The following XYLT1 variants were observed in gnomAD, a reference collection of about 807,000 sequenced individuals.
XYLT1 encodes beta-D-xylosyltransferase 1.
In XYLT1, 36 loss-of-function variants were observed where a neutral mutation model predicts 91.3. The ratio of observed to expected loss-of-function variants is 0.39; its 90% confidence interval spans 0.30 to 0.52. The LOEUF (loss-of-function observed/expected upper bound fraction) is 0.52. Ranked by LOEUF, XYLT1 falls within the 20% of genes least tolerant of loss-of-function variation. The pLI, the probability that XYLT1 is intolerant of heterozygous loss-of-function variation, is 0.68. For missense variants in XYLT1, 1,242 were observed against 1,284.5 expected (o/e 0.97, Z 0.51); for synonymous variants, 588 against 532.0 (o/e 1.11, Z -1.45).
At chr16:17,299,887 C>T (rs955824432) in intron 2 of XYLT1, among the ~76,000 whole-genome samples, 1 of 152,204 alleles carries the variant, frequency 6.6e-6, no homozygotes, top group Non-Finnish European at 1.5e-5. Flanking sequence ...AGCTATGATG[C>T]TGCTTTATTA....
chr16:17,241,036 G>A (rs1226051565), intron 3 of XYLT1, among the ~76,000 whole-genome samples: 3 of 152,170 alleles, frequency 2.0e-5, no homozygotes, highest in South Asian at 4.1e-4. Context: ...GAACTCCGGC[G>A]TAGACACCCC....
At chr16:17,356,805 C>T (rs2035300568) in intron 2 of XYLT1, among the ~76,000 whole-genome samples, 1 of 152,122 alleles carries the variant, frequency 6.6e-6, no homozygotes, top group Non-Finnish European at 1.5e-5. Context: ...ACCCAAAGAG[C>T]TAAGGAAATG....
At chr16:17,244,255 C>A (rs553482381) in intron 3 of XYLT1, among the ~76,000 whole-genome samples, 13 of 152,038 alleles carry the variant, frequency 8.6e-5, no homozygotes, top group Admixed American at 8.5e-4. Context: ...GTCAGAATCC[C>A]TGGGGGTGGG....
chr16:17,468,330 C>G (rs1041905294), intron 1 of XYLT1, among the ~76,000 whole-genome samples: 1 of 151,102 alleles, frequency 6.6e-6, no homozygotes, highest in Non-Finnish European at 1.5e-5. Context: ...CAGTCAACAG[C>G]ATGGTAGACA....
At chr16:17,293,557 G>A (rs2034264156) in intron 2 of XYLT1, among the ~76,000 whole-genome samples, 1 of 133,848 alleles carries the variant, frequency 7.5e-6, no homozygotes, top group Non-Finnish European at 1.5e-5. Context: ...GCACAATCCT[G>A]GCTCACTGTA....
chr16:17,302,898 G>A (rs548104519), intron 2 of XYLT1, among the ~76,000 whole-genome samples: 29 of 152,184 alleles, frequency 1.9e-4, no homozygotes, highest in African/African-American at 6.8e-4. Flanking sequence ...GAATGGGTGA[G>A]GGGGAGAGAA....
At chr16:17,249,039 A>T (rs1253539713) in intron 3 of XYLT1, among the ~76,000 whole-genome samples, 1 of 151,944 alleles carries the variant, frequency 6.6e-6, no homozygotes, top group Non-Finnish European at 1.5e-5. Flanking sequence ...CATTTTAATG[A>T]TCGTTTACCC....
intron 2 of XYLT1, among the ~76,000 whole-genome samples, chr16:17,268,422 G>A (rs1193511990): frequency 1.3e-5 from 2 of 152,156 alleles, no homozygotes; most frequent in East Asian, 1.9e-4. Context: ...ACCTACCTAA[G>A]CCAAAGCTCT....
intron 1 of XYLT1, among the ~76,000 whole-genome samples, chr16:17,402,405 T>C (rs565657919): frequency 6.6e-6 from 1 of 152,150 alleles, no homozygotes; most frequent in South Asian, 2.1e-4. Context: ...ACAATGGGTA[T>C]AAATACAGAA....
Position 17,470,346 on chromosome 16 carries a change from T to C in XYLT1, c.363+88A>G, listed in dbSNP as rs1207476982. The C allele has an allele frequency of 2.5e-6, 3 of 1,195,588 alleles. No homozygotes were observed. In the East Asian group the frequency reaches 1.0e-4, roughly 40 times the overall value. The allele number at this position is 1,195,588 out of a possible 1,614,324, so 74.1% of individuals were successfully genotyped here. A position where few individuals can be genotyped will look rare whatever the true frequency, so the allele number is the denominator to read the frequency against. Reference sequence around the variant, plus strand: ...GTAGGCTTGCAGAGTCCCAGTCTGATGACCGAGTTCAAGGGCTAGGGGGGC... The same window carrying C: ...GTAGGCTTGCAGAGTCCCAGTCTGACGACCGAGTTCAAGGGCTAGGGGGGC... On this transcript the variant is annotated intron_variant, in intron 1 of 11. Transcript: ENST00000261381.
At chr16:17,447,095 C>T (rs905782905) in intron 1 of XYLT1, among the ~76,000 whole-genome samples, 6 of 151,812 alleles carry the variant, frequency 4.0e-5, no homozygotes, top group African/African-American at 1.2e-4. Flanking sequence ...TTCACGACCT[C>T]GCTTCCCCAC....
intron 1 of XYLT1, among the ~76,000 whole-genome samples, chr16:17,453,468 C>T (rs1484682939): frequency 6.6e-6 from 1 of 152,172 alleles, no homozygotes; most frequent in Non-Finnish European, 1.5e-5. Context: ...CCTGTCAGTG[C>T]TAGTGTCCAA....
intron 5 of XYLT1, among the ~76,000 whole-genome samples, chr16:17,184,316 T>A (rs1333008150): frequency 6.7e-6 from 1 of 149,982 alleles, no homozygotes; most frequent in African/African-American, 2.5e-5. Flanking sequence ...AATTGTGAGA[T>A]CTGGAGAGGG....
At chr16:17,268,531 G>T (rs562662069) in intron 2 of XYLT1, among the ~76,000 whole-genome samples, 2 of 146,240 alleles carry the variant, frequency 1.4e-5, no homozygotes, top group African/African-American at 5.5e-5. Flanking sequence ...AATATTTACT[G>T]ATTATTAAAA....
At chr16:17,323,300 G>T (rs532988099) in intron 2 of XYLT1, among the ~76,000 whole-genome samples, 3 of 152,190 alleles carry the variant, frequency 2.0e-5, no homozygotes, top group Non-Finnish European at 4.4e-5. Context: ...TGCTAATCAC[G>T]GAGATTAGAC....
intron 1 of XYLT1, among the ~76,000 whole-genome samples, chr16:17,398,638 T>G (rs907980863): frequency 1.3e-5 from 2 of 152,090 alleles, no homozygotes; most frequent in Non-Finnish European, 2.9e-5. Context: ...GATCAAGGTG[T>G]TGGTAGGGTT....
chr16:17,441,529 C>T (rs1254423370), intron 1 of XYLT1, among the ~76,000 whole-genome samples: 1 of 152,034 alleles, frequency 6.6e-6, no homozygotes, highest in African/African-American at 2.4e-5. Context: ...AAGTCCTCAC[C>T]ATTCCCTATC....
rs1336980361 is a variant in XYLT1, at chr16:17,102,673, T to C, written c.*6022A>G. ...CTGGTCAATTTCAGATAGTTCAATATCTCTTAAAATACTCCTTTAAATAAA... is the reference window on the plus strand; with the variant it reads ...CTGGTCAATTTCAGATAGTTCAATACCTCTTAAAATACTCCTTTAAATAAA... On this transcript the variant is annotated 3_prime_UTR_variant, in exon 12 of 12. Transcript: ENST00000261381. 3 of 152,434 alleles carry C rather than the reference T, an allele frequency of 2.0e-5. No individual in the cohort carries two copies. The highest frequency in any genetic ancestry group is 4.4e-5 in the Non-Finnish European group (3 of 68,044). The allele number at this position is 152,434 out of a possible 1,614,324, so 9.4% of individuals were successfully genotyped here.
chr16:17,149,384 T>TA (rs372345725), intron 6 of XYLT1, among the ~76,000 whole-genome samples: 1,651 of 147,332 alleles, frequency 0.011, 31 homozygotes, highest in African/African-American at 0.037. Flanking sequence ...TGCTACAAAT[T>TA]AAAAAAAAAA....
Sources: allele counts gnomAD v4.1 joint callset (sites outside exome capture counted in the v4.1 genomes callset), GRCh38; gene constraint gnomAD v4.1.1; transcripts MANE v1.5; gene names NCBI Gene and HGNC (gene_info 2026-07-23, HGNC 2026-07-21).